The following KIF6 variants were observed in gnomAD, a reference collection of about 807,000 sequenced individuals.
KIF6 encodes kinesin family member 6.
In KIF6, 106 loss-of-function variants were observed where a neutral mutation model predicts 112.7. That is an observed-to-expected ratio of 0.94 (90% confidence interval 0.80 to 1.11). The LOEUF is 1.11. Ranked by LOEUF, KIF6 falls within the 50% of genes least tolerant of loss-of-function variation. KIF6 has a pLI of 0.00. For missense variants in KIF6, 929 were observed against 964.0 expected, an observed-to-expected ratio of 0.96 and a Z score of 0.48; for synonymous variants, 339 against 339.9, an observed-to-expected ratio of 1.00 and a Z score of 0.03.
intron 3 of KIF6, among the ~76,000 whole-genome samples, chr6:39,670,938 G>A (rs1786782029): frequency 6.6e-6 from 1 of 152,130 alleles, no homozygotes; most frequent in Non-Finnish European, 1.5e-5. Context: ...ACAGCTTTAG[G>A]AAATAAACTG....
chr6:39,539,271 G>A (rs1657687771), intron 13 of KIF6, among the ~76,000 whole-genome samples: 1 of 151,808 alleles, frequency 6.6e-6, no homozygotes, highest in Admixed American at 6.6e-5. Flanking sequence ...GTGTCTCTGA[G>A]TTGGCCCAAC....
At chr6:39,611,784 C>T (rs1326823042) in intron 6 of KIF6, among the ~76,000 whole-genome samples, 4 of 152,124 alleles carry the variant, frequency 2.6e-5, no homozygotes, top group African/African-American at 9.7e-5. Context: ...ATGCTAAATC[C>T]TTTGTCATCA....
chr6:39,502,274 G>T (rs1444557602), intron 13 of KIF6, among the ~76,000 whole-genome samples: 2 of 152,114 alleles, frequency 1.3e-5, no homozygotes, highest in East Asian at 3.9e-4. Flanking sequence ...ATCCTTTTTA[G>T]ACAAGCAAAT....
chr6:39,544,514 C>T (rs754184665), intron 12 of KIF6, 41 bp downstream of exon 12: 5 of 1,590,130 alleles, frequency 3.1e-6, no homozygotes, highest in African/African-American at 1.4e-5. Flanking sequence ...CCCTTTCAAA[C>T]CAGGATAGAG....
intron 14 of KIF6, among the ~76,000 whole-genome samples, chr6:39,420,604 TAGA>T (rs1161747713): frequency 6.6e-6 from 1 of 152,290 alleles, no homozygotes; most frequent in African/African-American, 2.4e-5. Flanking sequence ...TCACCCTTTA[TAGA>T]AGAAGTTTGC....
intron 15 of KIF6, among the ~76,000 whole-genome samples, chr6:39,400,522 A>C (rs1331314142): frequency 6.6e-6 from 1 of 152,246 alleles, no homozygotes; most frequent in Non-Finnish European, 1.5e-5. Context: ...CTTGGTCAGC[A>C]TTGGGAGGCC....
intron 3 of KIF6, among the ~76,000 whole-genome samples, chr6:39,701,847 A>AACTTGTGT (rs1788895728): frequency 1.3e-5 from 2 of 152,254 alleles, no homozygotes. Flanking sequence ...TTCAAGCATT[A>AACTTGTGT]AACTTCATTT....
chr6:39,542,942 A>G (rs1394983365), intron 12 of KIF6, among the ~76,000 whole-genome samples: 1 of 152,158 alleles, frequency 6.6e-6, no homozygotes, highest in East Asian at 1.9e-4. Context: ...AGAGTGTCAG[A>G]TGGAGGGAGC....
At chr6:39,611,511 G>A (rs1485236276) in intron 6 of KIF6, among the ~76,000 whole-genome samples, 1 of 152,082 alleles carries the variant, frequency 6.6e-6, no homozygotes, top group African/African-American at 2.4e-5. Flanking sequence ...ACAGGTTAAG[G>A]GCCTTTCCAT....
At chr6:39,481,684 C>T (rs78200756) in intron 13 of KIF6, among the ~76,000 whole-genome samples, 4,223 of 152,226 alleles carry the variant, frequency 0.028, 201 homozygotes, top group African/African-American at 0.096. Flanking sequence ...CCAACCAATG[C>T]AATTTAATGT....
At chr6:39,474,201 T>C (rs900695284) in intron 13 of KIF6, among the ~76,000 whole-genome samples, 1 of 152,238 alleles carries the variant, frequency 6.6e-6, no homozygotes, top group Non-Finnish European at 1.5e-5. Context: ...TAAGTCATGA[T>C]ATATGACTAA....
chr6:39,540,051 C>A lies in KIF6; in HGVS notation c.1597G>T (p.Asp533Tyr). 1.2e-6 allele frequency: 2 copies of A among 1,613,422 alleles called. No individual in the cohort carries two copies. Among genetic ancestry groups the A allele is most frequent in the Non-Finnish European group, 1.7e-6 (2 of 1,179,824 alleles). Residue 533 changes from aspartate to tyrosine, a missense_variant, in exon 13 of 23, where the codon GAC becomes TAC. Asp to Tyr is a radical substitution (Grantham distance 160, BLOSUM62 -3). Coordinates refer to ENST00000287152, the MANE Select transcript of KIF6 (RefSeq NM_145027.6). ...GATCTTTTCCCCAAAATGCTGAAGT[C>A]CTGGGCCTGTGAGGGAGCTGAGGAT... Reference protein sequence around the residue: ...RLSSAPSQAQDFSILGKRSSL... With the variant: ...RLSSAPSQAQYFSILGKRSSL...
intron 15 of KIF6, among the ~76,000 whole-genome samples, chr6:39,397,501 G>A (rs891087925): frequency 6.6e-6 from 1 of 151,898 alleles, no homozygotes; most frequent in Admixed American, 6.6e-5. Context: ...TGCTTTTCAG[G>A]AGTGACATAT....
intron 3 of KIF6, among the ~76,000 whole-genome samples, chr6:39,640,590 T>C (rs545638817): frequency 6.6e-6 from 1 of 152,250 alleles, no homozygotes; most frequent in African/African-American, 2.4e-5. Context: ...GGGTGGATTT[T>C]TTGATAGATG....
chr6:39,698,986 T>G (rs1788712146), intron 3 of KIF6, among the ~76,000 whole-genome samples: 3 of 152,198 alleles, frequency 2.0e-5, no homozygotes, highest in East Asian at 3.8e-4. Context: ...GTGAATAATT[T>G]TGGCTTGCGT....
intron 3 of KIF6, among the ~76,000 whole-genome samples, chr6:39,659,181 C>A (rs1785977364): frequency 6.6e-6 from 1 of 152,108 alleles, no homozygotes. Flanking sequence ...TATATTGTAC[C>A]ATAAAGATGC....
intron 5 of KIF6, among the ~76,000 whole-genome samples, chr6:39,631,097 T>A (rs749645178): frequency 6.6e-6 from 1 of 152,088 alleles, no homozygotes; most frequent in African/African-American, 2.4e-5. Context: ...GATTTTTGCA[T>A]GTGTAGTCAC....
At chr6:39,350,484 T>C (rs758544640) in intron 19 of KIF6, among the ~76,000 whole-genome samples, 2 of 152,102 alleles carry the variant, frequency 1.3e-5, no homozygotes, top group Non-Finnish European at 2.9e-5. Context: ...TGGGGGACCA[T>C]GATAGTAGGC....
intron 13 of KIF6, among the ~76,000 whole-genome samples, chr6:39,509,828 C>G (rs1430078872): frequency 6.6e-6 from 1 of 152,162 alleles, no homozygotes; most frequent in African/African-American, 2.4e-5. Flanking sequence ...TCCAGGAGAA[C>G]TTCCCCAACC....
Sources: gnomAD v4.1 joint callset for allele counts (sites outside exome capture counted in the v4.1 genomes callset) on GRCh38, gnomAD v4.1.1 for gene constraint, MANE v1.5 for transcripts, NCBI Gene and HGNC (gene_info 2026-07-23, HGNC 2026-07-21) for gene names.